The following PRSS12 variants were observed in gnomAD, a reference collection of about 807,000 sequenced individuals.
PRSS12 encodes the protein neurotrypsin.
In PRSS12, 85 loss-of-function variants were observed where a neutral mutation model predicts 104.4. That is an observed-to-expected ratio of 0.81 (90% CI 0.68 to 0.98). The LOEUF is 0.98. Ranked by LOEUF, PRSS12 falls within the 50% of genes least tolerant of loss-of-function variation. PRSS12 has a pLI of 0.00. For synonymous variants in PRSS12, 454 were observed against 425.2 expected, an observed-to-expected ratio of 1.07 and a Z score of -0.83; for missense variants, 1,141 against 1,139.2, an observed-to-expected ratio of 1.00 and a Z score of -0.02.
intron 1 of PRSS12, among the ~76,000 whole-genome samples, chr4:118,343,751 G>A (rs1048863941): frequency 6.6e-6 from 1 of 152,128 alleles, no homozygotes; most frequent in Admixed American, 6.6e-5. Flanking sequence ...GAAAGACCCT[G>A]TGGGGGGAAA....
intron 4 of PRSS12, among the ~76,000 whole-genome samples, chr4:118,323,756 C>T (rs1051576677): frequency 6.6e-6 from 1 of 151,046 alleles, no homozygotes; most frequent in Non-Finnish European, 1.5e-5. Context: ...GAAACATTTG[C>T]AATTTGCAAA....
intron 7 of PRSS12, among the ~76,000 whole-genome samples, chr4:118,311,119 AACCTC>A (rs2126033055): frequency 6.6e-6 from 1 of 152,274 alleles, no homozygotes; most frequent in East Asian, 1.9e-4. Flanking sequence ...AAGAGGCAAC[AACCTC>A]ACTGGGAAAG....
chr4:118,315,213 A>T (rs1743874066), intron 6 of PRSS12, among the ~76,000 whole-genome samples: 1 of 152,138 alleles, frequency 6.6e-6, no homozygotes, highest in Non-Finnish European at 1.5e-5. Flanking sequence ...AGTATGTAGC[A>T]ATATAAGGTT....
At position 118,318,140 on chromosome 4, in the gene PRSS12, C is replaced by T. The variant is rs1279125966; in HGVS notation, c.1150+238G>A. On this transcript the variant is annotated intron_variant, in intron 5 of 12. Coordinates refer to ENST00000296498, the MANE Select transcript of PRSS12 (RefSeq NM_003619.4). ...TGGGTACTATATACTGCAACAAAGT[C>T]CTATTTTCTGATCTAGCTTTACAAG... is the stretch of plus-strand genomic sequence containing the variant. 3.3e-5 allele frequency among the ~76,000 whole-genome samples: 5 copies of T among 152,226 alleles called. No individual in the cohort carries two copies. In the East Asian group the frequency reaches 9.6e-4, roughly 29 times the overall value.
At chr4:118,286,754 C>CA (rs35783650) in intron 11 of PRSS12, among the ~76,000 whole-genome samples, 1 of 152,082 alleles carries the variant, frequency 6.6e-6, no homozygotes, top group African/African-American at 2.4e-5. Flanking sequence ...ACAAAACTAT[C>CA]AAAAAATGTT....
intron 4 of PRSS12, among the ~76,000 whole-genome samples, chr4:118,325,235 C>A (rs1256194741): frequency 2.0e-5 from 3 of 151,322 alleles, no homozygotes; most frequent in African/African-American, 7.3e-5. Context: ...CTGCAGGCTA[C>A]TGCGGGATGA....
chr4:118,293,586 AC>A (rs1359829419), intron 11 of PRSS12, among the ~76,000 whole-genome samples: 12 of 152,222 alleles, frequency 7.9e-5, no homozygotes, highest in Admixed American at 5.9e-4. Context: ...AAAATCAATT[AC>A]AAATAGACAA....
At chr4:118,325,284 C>T (rs567899650) in intron 4 of PRSS12, among the ~76,000 whole-genome samples, 4 of 149,152 alleles carry the variant, frequency 2.7e-5, no homozygotes, top group Non-Finnish European at 4.4e-5. Context: ...GTACTATGCT[C>T]ATTACATGGG....
At chr4:118,308,334 G>T (rs1332779008) in intron 8 of PRSS12, 102 bp downstream of exon 8, 1 of 1,477,790 alleles carries the variant, frequency 6.8e-7, no homozygotes. Context: ...TCAAATGAAT[G>T]ACAGAAGCTC....
chr4:118,340,096 T>G (rs758366494), intron 1 of PRSS12, among the ~76,000 whole-genome samples: 3 of 152,198 alleles, frequency 2.0e-5, no homozygotes, highest in Non-Finnish European at 4.4e-5. Flanking sequence ...CACATGAATC[T>G]AAATGATTGA....
chr4:118,319,826 T>C (rs1458865523), intron 4 of PRSS12, among the ~76,000 whole-genome samples: 1 of 151,948 alleles, frequency 6.6e-6, no homozygotes, highest in Non-Finnish European at 1.5e-5. Context: ...TATAAGTGCA[T>C]ACCACCGTGC....
intron 7 of PRSS12, 147 bp downstream of exon 7, chr4:118,313,054 G>T: frequency 3.5e-6 from 3 of 853,996 alleles, no homozygotes; most frequent in Non-Finnish European, 3.6e-6. Flanking sequence ...ATTTTTCTCT[G>T]CATAAAAATT....
At chr4:118,304,099 G>C (rs1259323441) in intron 8 of PRSS12, among the ~76,000 whole-genome samples, 1 of 151,580 alleles carries the variant, frequency 6.6e-6, no homozygotes, top group African/African-American at 2.4e-5. Context: ...CCTGAAACTT[G>C]TTAGCATAAT....
chr4:118,333,229 A>G (rs1024709560), intron 3 of PRSS12, among the ~76,000 whole-genome samples: 25 of 152,240 alleles, frequency 1.6e-4, no homozygotes, highest in African/African-American at 6.0e-4. Flanking sequence ...TAATATGGTA[A>G]AAATTAACAG....
chr4:118,319,885 A>G (rs1223941543), intron 4 of PRSS12, among the ~76,000 whole-genome samples: 1 of 152,176 alleles, frequency 6.6e-6, no homozygotes, highest in African/African-American at 2.4e-5. Flanking sequence ...TATGTTGCCC[A>G]GCCTGGTCTT....
chr4:118,311,107 G>C lies in PRSS12; in HGVS notation c.1489+2094C>G, dbSNP rs892344362. 2.0e-5 allele frequency among the ~76,000 whole-genome samples: 3 copies of C among 152,022 alleles called. No individual in the cohort carries two copies. In the South Asian group the frequency reaches 6.2e-4, roughly 32 times the overall value. On this transcript the variant is annotated intron_variant, in intron 7 of 12. Coordinates refer to ENST00000296498, the MANE Select transcript of PRSS12 (RefSeq NM_003619.4). The stretch of plus-strand genomic sequence containing the variant: ...GCCTAATTTTATACTGTAAAATTGA[G>C]TAAGAGGCAACAACCTCACTGGGAA...
At chr4:118,303,738 T>C (rs1743460622) in intron 8 of PRSS12, 1 of 152,118 alleles carries the variant, frequency 6.6e-6, no homozygotes, top group Admixed American at 6.5e-5. Flanking sequence ...AAATTTCACA[T>C]ATATTATTTC....
chr4:118,352,466 C>T lies in PRSS12; in HGVS notation c.255G>A (p.Thr85=), dbSNP rs1724538621. The T allele has an allele frequency of 2.1e-6, 3 of 1,397,056 alleles. No homozygotes were observed. Among genetic ancestry groups the T allele is most frequent in the Non-Finnish European group, 9.2e-7 (1 of 1,083,184 alleles). 86.5% of individuals were successfully genotyped at this position (1,397,056 alleles called of 1,614,324 possible). A position where few individuals can be genotyped will look rare whatever the true frequency, so the allele number is the denominator to read the frequency against. ...QRPHALQAGH[T]PRPHPWGCPA... ...GGCAGCCCCAGGGGTGCGGCCGGGGCGTGTGCCCGGCCTGGAGGGCGTGCG... is the reference window on the plus strand; with the variant it reads ...GGCAGCCCCAGGGGTGCGGCCGGGGTGTGTGCCCGGCCTGGAGGGCGTGCG... Residue 85 remains threonine, a synonymous_variant, in exon 1 of 13, where the codon ACG becomes ACA. Coordinates refer to ENST00000296498, the MANE Select transcript of PRSS12 (RefSeq NM_003619.4).
intron 5 of PRSS12, among the ~76,000 whole-genome samples, chr4:118,316,777 G>C (rs530482137): frequency 2.1e-5 from 3 of 142,756 alleles, no homozygotes; most frequent in Non-Finnish European, 4.5e-5. Context: ...AGCTGAAATC[G>C]CACCACTGCC....
Sources: allele counts gnomAD v4.1 joint callset (sites outside exome capture counted in the v4.1 genomes callset), GRCh38; gene constraint gnomAD v4.1.1; transcripts MANE v1.5; gene names NCBI Gene and HGNC (gene_info 2026-07-23, HGNC 2026-07-21).